The following TUBD1 variants were observed in gnomAD, a reference collection of about 807,000 sequenced individuals.
TUBD1 encodes tubulin delta chain.
A neutral mutation model predicts 51.2 loss-of-function variants in TUBD1; 38 were observed. The ratio of observed to expected loss-of-function variants is 0.74; its 90% confidence interval spans 0.57 to 0.97. TUBD1 has a LOEUF of 0.97. TUBD1 is among the 50% of genes least tolerant of loss of function. The pLI, the probability that TUBD1 is intolerant of heterozygous loss-of-function variation, is 0.00. For synonymous variants in TUBD1, 169 were observed against 178.2 expected, an observed-to-expected ratio of 0.95 and a Z score of 0.41; for missense variants, 489 against 538.4, an observed-to-expected ratio of 0.91 and a Z score of 0.91.
rs1235652372 is a variant in TUBD1 at position 59,859,623 on chromosome 17, G to A, written c.*699C>T. ...TAGCATTTGACAACATCTCCCTCCT[G>A]TGGTTCAAAGCATTCATTTCAAACA... On this transcript the variant is annotated 3_prime_UTR_variant, in exon 9 of 9. Transcript: ENST00000325752. 1 of 152,576 alleles carries A rather than the reference G, an allele frequency of 6.6e-6. No individual in the cohort carries two copies. Among genetic ancestry groups the A allele is most frequent in the African/African-American group, 2.4e-5 (1 of 41,434 alleles). The allele number at this position is 152,576 out of a possible 1,614,324, so 9.5% of individuals were successfully genotyped here.
chr17:59,867,152 T>C (rs1172168643), intron 6 of TUBD1, among the ~76,000 whole-genome samples: 2 of 150,840 alleles, frequency 1.3e-5, no homozygotes, highest in African/African-American at 4.9e-5. Flanking sequence ...GGTCTTGTGG[T>C]ATGTGTATTT....
rs527870807 is a variant in TUBD1, at chr17:59,873,244, G to T, written c.934+1295C>A. On this transcript the variant is annotated intron_variant, in intron 6 of 8. Coordinates refer to ENST00000325752, the MANE Select transcript of TUBD1 (RefSeq NM_016261.4). ...ATTCATACCAGACATTACTTAAGTT[G>T]TTTTTTGTTGTTGTTTTTTTTTTGA... Among the ~76,000 whole-genome samples the T allele has an allele frequency of 2.6e-3, 353 of 134,828 alleles. 3 individuals are homozygous for T. The highest frequency in any genetic ancestry group is 0.011 in the African/African-American group (327 of 31,058). 88.5% of individuals were successfully genotyped at this position (134,828 alleles called of 152,430 possible). A position where few individuals can be genotyped will look rare whatever the true frequency, so the allele number is the denominator to read the frequency against.
At chr17:59,875,879 C>A (rs916182719) in intron 5 of TUBD1, among the ~76,000 whole-genome samples, 5 of 152,080 alleles carry the variant, frequency 3.3e-5, no homozygotes, top group African/African-American at 1.2e-4. Flanking sequence ...AGGGTACTTT[C>A]CTTTACATTT....
chr17:59,877,169 T>C (rs948405362), intron 5 of TUBD1, among the ~76,000 whole-genome samples: 1 of 152,130 alleles, frequency 6.6e-6, no homozygotes, highest in Non-Finnish European at 1.5e-5. Flanking sequence ...ACCTTGACCA[T>C]TCTTAAACCT....
chr17:59,867,456 C>T (rs1349775269), intron 6 of TUBD1, among the ~76,000 whole-genome samples: 1 of 152,048 alleles, frequency 6.6e-6, no homozygotes, highest in Middle Eastern at 3.2e-3. Context: ...GCCTGTAATC[C>T]CAGCAGTTTG....
intron 8 of TUBD1, among the ~76,000 whole-genome samples, chr17:59,862,714 ATTTTTTTTTTTT>A (rs71145582): frequency 4.7e-4 from 27 of 56,986 alleles, no homozygotes; most frequent in South Asian, 2.7e-3. Context: ...TAATTTTTGT[ATTTTTTTTTTTT>A]TTTTTTTTTT....
chr17:59,863,318 G>A (rs2039545775), intron 8 of TUBD1, among the ~76,000 whole-genome samples: 2 of 152,028 alleles, frequency 1.3e-5, no homozygotes, highest in African/African-American at 4.8e-5. Context: ...CTGCTTATAA[G>A]TTAGAAAGGC....
Position 59,885,273 on chromosome 17 carries a change from T to A in TUBD1, c.320+810A>T, listed in dbSNP as rs933720749. ...CCCTGCATGAGAGGGATCCATGGTA[T>A]AGCTGGGACCAGCTGGACCTGAGAT... On this transcript the variant is annotated intron_variant, in intron 3 of 8. Coordinates refer to ENST00000325752, the MANE Select transcript of TUBD1 (RefSeq NM_016261.4). The A allele has an allele frequency of 1.6e-5, 9 of 577,590 alleles. No individual in the cohort carries two copies. The Admixed American group carries it at 1.9e-4, about 12-fold the overall frequency. 35.8% of individuals were successfully genotyped at this position (577,590 alleles called of 1,614,324 possible).
intron 2 of TUBD1, among the ~76,000 whole-genome samples, chr17:59,888,178 G>C (rs1308090521): frequency 6.6e-6 from 1 of 151,918 alleles, no homozygotes. Flanking sequence ...CTCATGATTC[G>C]CCCGCCTCGA....
chr17:59,861,478 C>T (rs997745068), intron 8 of TUBD1, among the ~76,000 whole-genome samples: 8 of 151,702 alleles, frequency 5.3e-5, no homozygotes, highest in Admixed American at 2.6e-4. Context: ...GGGTTACAAG[C>T]GTGAGCCACC....
chr17:59,878,337 G>A lies in TUBD1; in HGVS notation c.538-3C>T. The A allele has an allele frequency of 6.2e-7, 1 of 1,604,142 alleles. No individual in the cohort carries two copies. The highest frequency in any genetic ancestry group is 8.5e-7 in the Non-Finnish European group (1 of 1,171,310). ...GAGTTGTAGTTTTGAACAATAACCT[G>A]GAGAGGAAAAGGTCAGAAAAAAGAA... On this transcript the variant is annotated splice_polypyrimidine_tract_variant and splice_region_variant and intron_variant, in intron 4 of 8. Transcript: ENST00000325752.
In TUBD1 at chr17:59,881,415, C is replaced by T. The variant is rs530649519; in HGVS notation, c.321-305G>A. Among the ~76,000 whole-genome samples the T allele has an allele frequency of 2.0e-5, 3 of 152,238 alleles. No homozygotes were observed. The East Asian group carries it at 5.8e-4, about 29-fold the overall frequency. ...CATGCAAAAATTTAAAAAATTGCAA[C>T]CTCTGGCATAAATGGGTTAACAGGC... On this transcript the variant is annotated intron_variant, in intron 3 of 8. Transcript: ENST00000325752.
intron 4 of TUBD1, 172 bp from the exon 5 acceptor site, chr17:59,878,506 T>C: frequency 1.9e-6 from 1 of 539,990 alleles, no homozygotes; most frequent in Non-Finnish European, 3.3e-6. Flanking sequence ...TTTTTTTTTT[T>C]GAGATAGAGA....
chr17:59,869,495 A>G (rs1433823424), intron 6 of TUBD1, among the ~76,000 whole-genome samples: 2 of 151,794 alleles, frequency 1.3e-5, no homozygotes, highest in African/African-American at 4.8e-5. Context: ...AAAAAAAAAG[A>G]AAAAAGAAAA....
intron 6 of TUBD1, 55 bp from the exon 7 acceptor site, chr17:59,866,804 G>A (rs964099353): frequency 4.8e-6 from 7 of 1,466,772 alleles, no homozygotes; most frequent in Non-Finnish European, 6.4e-6. Flanking sequence ...AGTTTTTTGA[G>A]ATGGAGTCTC....
chr17:59,883,058 C>G (rs1171356354), intron 3 of TUBD1, among the ~76,000 whole-genome samples: 1 of 151,716 alleles, frequency 6.6e-6, no homozygotes, highest in Admixed American at 6.6e-5. Flanking sequence ...CTGCTGGGAT[C>G]ACAAGCGAGA....
At chr17:59,866,532 C>CT in intron 7 of TUBD1, 77 bp downstream of exon 7, 2 of 1,543,054 alleles carry the variant, frequency 1.3e-6, no homozygotes, top group Non-Finnish European at 1.7e-6. Context: ...AACACAGGGA[C>CT]TTTTTAAAAA....
chr17:59,888,187 G>A (rs1361060760), intron 2 of TUBD1, among the ~76,000 whole-genome samples: 2 of 152,004 alleles, frequency 1.3e-5, no homozygotes, highest in Non-Finnish European at 1.5e-5. Flanking sequence ...CGCCCGCCTC[G>A]ACCTCCCAAA....
chr17:59,860,235 G>C lies in TUBD1; in HGVS notation c.*87C>G. ...GTTTCACCGTGTTAGCCAGGATGGA[G>C]AACTTTGAAAACTTTACAGAGAAAA... is the stretch of plus-strand genomic sequence containing the variant. On this transcript the variant is annotated 3_prime_UTR_variant, in exon 9 of 9. Transcript: ENST00000325752. 1 of 1,006,686 alleles carries C rather than the reference G, an allele frequency of 9.9e-7. No individual in the cohort carries two copies. The highest frequency in any genetic ancestry group is 1.5e-6 in the Non-Finnish European group (1 of 664,798). 62.4% of individuals were successfully genotyped at this position (1,006,686 alleles called of 1,614,324 possible).
Sources: gnomAD v4.1 joint callset for allele counts (sites outside exome capture counted in the v4.1 genomes callset) on GRCh38, gnomAD v4.1.1 for gene constraint, MANE v1.5 for transcripts, NCBI Gene and HGNC (gene_info 2026-07-23, HGNC 2026-07-21) for gene names.